Variants in F13A1 observed in about 807,000 individuals in gnomAD.
F13A1 encodes FSF, A subunit.
A neutral mutation model predicts 80.1 loss-of-function variants in F13A1; 47 were observed. The ratio of observed to expected loss-of-function variants is 0.59; its 90% confidence interval spans 0.46 to 0.75. The LOEUF is 0.75. F13A1 is among the 30% of genes least tolerant of loss of function. The pLI is 0.00. For synonymous variants in F13A1, 349 were observed against 344.9 expected, an observed-to-expected ratio of 1.01 and a Z score of -0.13; for missense variants, 817 against 930.4, an observed-to-expected ratio of 0.88 and a Z score of 1.59.
At chr6:6,150,702 G>A (rs1760358926) in intron 14 of F13A1, among the ~76,000 whole-genome samples, 1 of 152,180 alleles carries the variant, frequency 6.6e-6, no homozygotes, top group Non-Finnish European at 1.5e-5. Context: ...CTATGCCTTA[G>A]AAGGTCACTC....
rs184434130 is a variant in F13A1, at chr6:6,225,766, G to A, written c.799-906C>T. Reference sequence around the variant, plus strand: ...GATTCTCCTGCCTCAGCCTTCCAAAGAGTTGGAATTACAGGCATAAGTCAC... The same window carrying A: ...GATTCTCCTGCCTCAGCCTTCCAAAAAGTTGGAATTACAGGCATAAGTCAC... On this transcript the variant is annotated intron_variant, in intron 6 of 14. Coordinates refer to ENST00000264870, the MANE Select transcript of F13A1 (RefSeq NM_000129.4). 2.2e-3 allele frequency among the ~76,000 whole-genome samples: 342 copies of A among 152,290 alleles called. 4 individuals carry two copies. The highest frequency in any genetic ancestry group is 7.9e-3 in the African/African-American group (329 of 41,562).
intron 6 of F13A1, among the ~76,000 whole-genome samples, chr6:6,231,025 C>T (rs558559871): frequency 6.6e-6 from 1 of 152,242 alleles, no homozygotes; most frequent in South Asian, 2.1e-4. Flanking sequence ...CTCTTCAACA[C>T]CCCCCAAAAA....
intron 13 of F13A1, among the ~76,000 whole-genome samples, chr6:6,159,198 G>A (rs1760531700): frequency 6.6e-6 from 1 of 152,136 alleles, no homozygotes; most frequent in Non-Finnish European, 1.5e-5. Flanking sequence ...ACCGTGCCCA[G>A]TGGTTTCCCC....
In F13A1 at chr6:6,174,587, G is replaced by A. The variant is rs747348992; in HGVS notation, c.1740C>T (p.Pro580=). Residue 580 remains proline, a synonymous_variant, in exon 12 of 15, where the codon CCC becomes CCT. Transcript: ENST00000264870. ...KKETFDVTLE[P]LSFKKEAVLI... ...ACACCATTGTTAGCTTACAGGACAA[G>A]GGCTCCAGCGTCACGTCGAACGTCT... 3 of 1,613,974 alleles carry A rather than the reference G, an allele frequency of 1.9e-6. No homozygotes were observed. Among genetic ancestry groups the A allele is most frequent in the Admixed American group, 1.7e-5 (1 of 59,994 alleles).
At chr6:6,247,066 C>A (rs1035052017) in intron 6 of F13A1, among the ~76,000 whole-genome samples, 1 of 152,140 alleles carries the variant, frequency 6.6e-6, no homozygotes. Context: ...CATTGGCTTC[C>A]CATTATGGAA....
At chr6:6,244,629 A>T (rs1309882459) in intron 6 of F13A1, among the ~76,000 whole-genome samples, 1 of 152,246 alleles carries the variant, frequency 6.6e-6, no homozygotes, top group Non-Finnish European at 1.5e-5. Flanking sequence ...GAAGTTACTG[A>T]ATGTATAAAG....
chr6:6,207,212 T>C (rs1223524228), intron 8 of F13A1, among the ~76,000 whole-genome samples: 2 of 152,154 alleles, frequency 1.3e-5, no homozygotes, highest in Non-Finnish European at 2.9e-5. Flanking sequence ...CTTTGCAAAC[T>C]TGCAGCCTAG....
chr6:6,191,091 G>T (rs7738517), intron 10 of F13A1, among the ~76,000 whole-genome samples: 2 of 152,160 alleles, frequency 1.3e-5, no homozygotes, highest in African/African-American at 4.8e-5. Flanking sequence ...GCTCGCGCAC[G>T]GTGCGTGCAC....
chr6:6,158,421 T>C (rs538206940), intron 13 of F13A1, among the ~76,000 whole-genome samples: 1 of 152,204 alleles, frequency 6.6e-6, no homozygotes, highest in African/African-American at 2.4e-5. Flanking sequence ...ATCTGACACA[T>C]ACTAGCATTA....
intron 3 of F13A1, among the ~76,000 whole-genome samples, chr6:6,291,017 T>C (rs761705384): frequency 6.6e-5 from 10 of 152,152 alleles, no homozygotes; most frequent in East Asian, 1.9e-4. Flanking sequence ...ACAAAATCCA[T>C]AGGAAGACAT....
At chr6:6,197,053 A>G (rs1761303442) in intron 9 of F13A1, among the ~76,000 whole-genome samples, 170 bp downstream of exon 9, 1 of 152,248 alleles carries the variant, frequency 6.6e-6, no homozygotes, top group Admixed American at 6.5e-5. Flanking sequence ...CTGACAATGG[A>G]AATGAAATTA....
chr6:6,231,579 C>A (rs529547776), intron 6 of F13A1, among the ~76,000 whole-genome samples: 2 of 152,154 alleles, frequency 1.3e-5, no homozygotes, highest in Non-Finnish European at 2.9e-5. Flanking sequence ...ACAAACAACA[C>A]CCAGGAAATT....
At chr6:6,306,673 G>A (rs1157267846) in intron 2 of F13A1, among the ~76,000 whole-genome samples, 1 of 152,252 alleles carries the variant, frequency 6.6e-6, no homozygotes, top group Non-Finnish European at 1.5e-5. Flanking sequence ...TGGGGTGGGA[G>A]GGTAGAAGGG....
At chr6:6,293,154 G>T (rs1351674243) in intron 3 of F13A1, among the ~76,000 whole-genome samples, 1 of 152,154 alleles carries the variant, frequency 6.6e-6, no homozygotes, top group Non-Finnish European at 1.5e-5. Context: ...GGTTCCTGTG[G>T]TTGAACTCCA....
intron 3 of F13A1, among the ~76,000 whole-genome samples, chr6:6,296,239 G>C (rs550415095): frequency 1.3e-5 from 2 of 151,994 alleles, no homozygotes; most frequent in Admixed American, 1.3e-4. Flanking sequence ...GCTCTTTTTT[G>C]GTTCCATGTG....
chr6:6,244,859 C>T (rs1363863212), intron 6 of F13A1, among the ~76,000 whole-genome samples: 2 of 152,164 alleles, frequency 1.3e-5, no homozygotes, highest in African/African-American at 4.8e-5. Flanking sequence ...TATGATGCTG[C>T]CTTCACTTTC....
At chr6:6,220,541 C>G (rs1757176852) in intron 8 of F13A1, among the ~76,000 whole-genome samples, 1 of 150,518 alleles carries the variant, frequency 6.6e-6, no homozygotes, top group Non-Finnish European at 1.5e-5. Flanking sequence ...GCTACAAAGG[C>G]TGTGTGTGTG....
intron 9 of F13A1, 121 bp downstream of exon 9, chr6:6,197,102 A>C: frequency 3.6e-6 from 3 of 841,856 alleles, no homozygotes; most frequent in Non-Finnish European, 6.0e-6. Flanking sequence ...ACATGTGCCC[A>C]GGAAGCACAC....
rs542718920 is a variant in F13A1 at position 6,182,272 on chromosome 6, C to T, written c.1306-131G>A. 559 of 943,662 alleles carry T rather than the reference C, an allele frequency of 5.9e-4. 2 individuals are homozygous for T. Among genetic ancestry groups the T allele is most frequent in the Non-Finnish European group, 7.7e-4 (459 of 599,422 alleles). The allele number at this position is 943,662 out of a possible 1,614,324, so 58.5% of individuals were successfully genotyped here. ...CCCCTTTCTTCAACAACATTGGATT[C>T]GTATCATAGGGCCAAACAGGTTTTG... On this transcript the variant is annotated intron_variant, in intron 10 of 14. Coordinates refer to ENST00000264870, the MANE Select transcript of F13A1 (RefSeq NM_000129.4).
Sources: gnomAD v4.1 joint callset for allele counts (sites outside exome capture counted in the v4.1 genomes callset) on GRCh38, gnomAD v4.1.1 for gene constraint, MANE v1.5 for transcripts, NCBI Gene and HGNC (gene_info 2026-07-23, HGNC 2026-07-21) for gene names.